Variants in USP15 observed in about 807,000 individuals in gnomAD.
The protein encoded by USP15 is ubiquitin specific peptidase 15.
In USP15, 18 loss-of-function variants were observed where a neutral mutation model predicts 127.1. The observed-to-expected ratio is 0.14, with a 90% CI of 0.10 to 0.21. The LOEUF (loss-of-function observed/expected upper bound fraction) is 0.21, where lower values mean the gene tolerates loss of function less well. Ranked by LOEUF, USP15 falls within the 10% of genes least tolerant of loss-of-function variation. The pLI is 1.00. For missense variants in USP15, 805 were observed against 1,159.9 expected (o/e 0.69, Z 4.44); for synonymous variants, 364 against 393.7 (o/e 0.92, Z 0.89).
intron 16 of USP15, 50 bp from the exon 17 acceptor site, chr12:62,391,766 A>T: frequency 7.0e-7 from 1 of 1,426,456 alleles, no homozygotes; most frequent in Non-Finnish European, 9.5e-7. Flanking sequence ...AATATACTTT[A>T]ATACTAAGAC....
intron 11 of USP15, among the ~76,000 whole-genome samples, chr12:62,388,116 G>GTTT (rs1565906819): frequency 7.9e-6 from 1 of 127,226 alleles, no homozygotes; most frequent in African/African-American, 3.0e-5. Context: ...GAATGGTGAA[G>GTTT]ATTTTTTTTT....
chr12:62,324,621 G>T (rs776491213), intron 5 of USP15, among the ~76,000 whole-genome samples: 1 of 151,908 alleles, frequency 6.6e-6, no homozygotes, highest in Non-Finnish European at 1.5e-5. Flanking sequence ...AGAGGAAGGT[G>T]ATCAGGAAGG....
rs1163091790 is a variant in USP15 at position 62,298,830 on chromosome 12, CAAAAAAAAAAAAA to C, written c.218-3949_218-3937del. 7.7e-5 allele frequency among the ~76,000 whole-genome samples: 5 copies of C among 65,044 alleles called. No homozygotes were observed. The East Asian group carries it at 2.0e-3, about 27-fold the overall frequency. The allele number at this position is 65,044 out of a possible 152,430, so 42.7% of individuals were successfully genotyped here. A position where few individuals can be genotyped will look rare whatever the true frequency, so the allele number is the denominator to read the frequency against. On this transcript the variant is annotated intron_variant, in intron 2 of 21. Transcript: ENST00000280377. ...GGTGACAGAGTAAGACCCTGTCTTG[CAAAAAAAAAAAAA>C]AAAAAAAAAAGAATGAGTGAAATAA...
At chr12:62,368,312 A>G (rs1391359305) in intron 8 of USP15, among the ~76,000 whole-genome samples, 1 of 152,186 alleles carries the variant, frequency 6.6e-6, no homozygotes, top group East Asian at 1.9e-4. Context: ...AGTTCTGTAA[A>G]TGTCTATTAG....
At chr12:62,347,750 AAAAT>A (rs2065861930) in intron 6 of USP15, among the ~76,000 whole-genome samples, 1 of 152,196 alleles carries the variant, frequency 6.6e-6, no homozygotes, top group African/African-American at 2.4e-5. Context: ...TTAGTACAGT[AAAAT>A]AAAATCTTGT....
chr12:62,294,174 T>C lies in USP15; in HGVS notation c.90-5T>C. ...TTTCCTTAACCAATTTCTTTTATTT[T>C]TTAGGTACCTAGTCGATAGTCGCTG... is the stretch of plus-strand genomic sequence containing the variant. On this transcript the variant is annotated splice_polypyrimidine_tract_variant and splice_region_variant and intron_variant, in intron 1 of 21. Coordinates refer to ENST00000280377, the MANE Select transcript of USP15 (RefSeq NM_001252078.2). 6.2e-7 allele frequency: 1 copy of C among 1,610,268 alleles called. No individual in the cohort carries two copies.
intron 8 of USP15, among the ~76,000 whole-genome samples, chr12:62,367,134 G>A (rs946895963): frequency 2.0e-5 from 3 of 152,092 alleles, no homozygotes; most frequent in African/African-American, 7.2e-5. Context: ...TGTACCTCTG[G>A]TAGAATTCGG....
chr12:62,261,402 T>G (rs888218205), intron 1 of USP15, among the ~76,000 whole-genome samples: 6 of 152,200 alleles, frequency 3.9e-5, no homozygotes, highest in African/African-American at 1.2e-4. Flanking sequence ...CCTTATTTTT[T>G]GGGAAGCATA....
At chr12:62,318,481 C>A (rs1280913356) in intron 4 of USP15, among the ~76,000 whole-genome samples, 4 of 152,196 alleles carry the variant, frequency 2.6e-5, no homozygotes, top group Non-Finnish European at 4.4e-5. Context: ...CAGTTTCTCA[C>A]TGGCTGCATC....
chr12:62,260,498 C>A lies in USP15; in HGVS notation c.84C>A (p.Asp28Glu). 1 of 1,551,268 alleles carries A rather than the reference C, an allele frequency of 6.4e-7. No individual in the cohort carries two copies. Among genetic ancestry groups the A allele is most frequent in the Non-Finnish European group, 8.7e-7 (1 of 1,147,056 alleles). The change falls in exon 1 of 22, where the codon GAC becomes GAA. Residue 28 changes from aspartate to glutamate, a missense_variant. Physicochemically the swap from Asp to Glu is conservative, Grantham distance 45. Coordinates refer to ENST00000280377, the MANE Select transcript of USP15 (RefSeq NM_001252078.2). ...TLLKTSLRKG[D>E]TWYLVDSRWF... Reference sequence around the variant, plus strand: ...TCAAAACCTCGCTCCGGAAAGGGGACACCTGGTAAGAGAAAGGGGTTGAGA... The same window carrying A: ...TCAAAACCTCGCTCCGGAAAGGGGAAACCTGGTAAGAGAAAGGGGTTGAGA...
intron 8 of USP15, among the ~76,000 whole-genome samples, chr12:62,361,190 A>G (rs2066303304): frequency 2.0e-5 from 3 of 152,054 alleles, no homozygotes; most frequent in Admixed American, 6.6e-5. Flanking sequence ...GAAAAATGGT[A>G]TCTCTAAAAG....
chr12:62,340,832 TGAG>T (rs1170382673), intron 6 of USP15, among the ~76,000 whole-genome samples: 2 of 149,038 alleles, frequency 1.3e-5, no homozygotes, highest in African/African-American at 5.1e-5. Context: ...CATGCGGTGC[TGAG>T]AAGAATGTAT....
intron 8 of USP15, among the ~76,000 whole-genome samples, chr12:62,357,098 T>C (rs73136856): frequency 0.11 from 16,302 of 152,082 alleles, 939 homozygotes; most frequent in Middle Eastern, 0.17. Flanking sequence ...TTCATAAATA[T>C]TAATAAAATA....
chr12:62,290,152 T>A (rs1421872303), intron 1 of USP15, among the ~76,000 whole-genome samples: 1 of 152,190 alleles, frequency 6.6e-6, no homozygotes, highest in East Asian at 1.9e-4. Flanking sequence ...CCAATTTAAT[T>A]CTGGTGTTTC....
intron 8 of USP15, among the ~76,000 whole-genome samples, chr12:62,371,880 T>C (rs951040489): frequency 9.8e-5 from 15 of 152,292 alleles, no homozygotes; most frequent in Admixed American, 9.2e-4. Context: ...GTATATTAGC[T>C]CTGCAACTTC....
rs1277060095 is a variant in USP15 at position 62,409,503 on chromosome 12, A to T, written c.*5128A>T. On this transcript the variant is annotated 3_prime_UTR_variant, in exon 22 of 22. Transcript: ENST00000280377. ...AATATATTTTAAATGTTTAAGTTGT[A>T]TTGGTAATTTACTATGTTCTCCTGT... The T allele has an allele frequency of 6.6e-6, 1 of 152,180 alleles. No individual in the cohort carries two copies. Among genetic ancestry groups the T allele is most frequent in the South Asian group, 2.1e-4 (1 of 4,834 alleles). 9.4% of individuals were successfully genotyped at this position (152,180 alleles called of 1,614,324 possible). A position where few individuals can be genotyped will look rare whatever the true frequency, so the allele number is the denominator to read the frequency against.
chr12:62,271,475 T>C (rs1394088702), intron 1 of USP15, among the ~76,000 whole-genome samples: 1 of 152,028 alleles, frequency 6.6e-6, no homozygotes. Flanking sequence ...TATGCCTTTA[T>C]ATGATACAAA....
At chr12:62,337,218 A>T (rs1189054545) in intron 6 of USP15, among the ~76,000 whole-genome samples, 1 of 152,178 alleles carries the variant, frequency 6.6e-6, no homozygotes, top group Non-Finnish European at 1.5e-5. Flanking sequence ...GTTTTCCTTA[A>T]AGACACAGCC....
chr12:62,394,018 G>T (rs1022212107), intron 19 of USP15: 4 of 152,162 alleles, frequency 2.6e-5, no homozygotes, highest in Non-Finnish European at 5.9e-5. Flanking sequence ...CATCATATTT[G>T]TAAAAAGATA....
Sources: gnomAD v4.1 joint callset for allele counts (sites outside exome capture counted in the v4.1 genomes callset) on GRCh38, gnomAD v4.1.1 for gene constraint, MANE v1.5 for transcripts, NCBI Gene and HGNC (gene_info 2026-07-23, HGNC 2026-07-21) for gene names.